AFF3: variants seen among roughly 807,000 people sequenced by gnomAD.
AFF3 encodes ALF transcription elongation factor 3.
A neutral mutation model predicts 129.7 loss-of-function variants in AFF3; 32 were observed. The observed-to-expected ratio is 0.25, with a 90% confidence interval of 0.19 to 0.33. The LOEUF is 0.33. AFF3 is among the 10% of genes least tolerant of loss of function. AFF3 has a pLI of 1.00. For synonymous variants in AFF3, 644 were observed against 635.4 expected (o/e 1.01, Z -0.20); for missense variants, 1,373 against 1,592.0 (o/e 0.86, Z 2.34).
chr2:99,685,608 C>T (rs901561380), intron 11 of AFF3, among the ~76,000 whole-genome samples: 18 of 152,128 alleles, frequency 1.2e-4, no homozygotes, highest in Non-Finnish European at 2.6e-4. Flanking sequence ...AGAATCAAGT[C>T]CTTTGTTGCC....
chr2:100,078,668 A>G (rs1375627933), intron 4 of AFF3, among the ~76,000 whole-genome samples: 1 of 152,174 alleles, frequency 6.6e-6, no homozygotes, highest in Admixed American at 6.5e-5. Context: ...AAAGAATTAA[A>G]AAGTCAAATG....
intron 10 of AFF3, 71 bp from the exon 11 acceptor site, chr2:99,727,199 T>A: frequency 7.3e-7 from 1 of 1,373,318 alleles, no homozygotes; most frequent in Non-Finnish European, 1.0e-6. Context: ...AGAGATTAAA[T>A]ATATTTCCAT....
chr2:99,633,276 T>C (rs1345048091), intron 13 of AFF3, among the ~76,000 whole-genome samples: 3 of 152,032 alleles, frequency 2.0e-5, no homozygotes, highest in African/African-American at 7.2e-5. Context: ...GGGTTTGCTG[T>C]CCATGGAAGG....
chr2:99,678,235 C>T (rs1322078878), intron 11 of AFF3, among the ~76,000 whole-genome samples: 1 of 152,194 alleles, frequency 6.6e-6, no homozygotes, highest in Non-Finnish European at 1.5e-5. Flanking sequence ...TCAGTACAAC[C>T]TTTGCAATTT....
At chr2:99,633,909 CTTTTTTTTTTTT>C (rs139661861) in intron 13 of AFF3, among the ~76,000 whole-genome samples, 18 of 116,424 alleles carry the variant, frequency 1.5e-4, no homozygotes, top group Admixed American at 4.2e-4. Context: ...TTCTTCCTTC[CTTTTTTTTTTTT>C]TTTTTTTTTT....
chr2:99,993,552 A>G (rs1680549040), intron 7 of AFF3, among the ~76,000 whole-genome samples: 1 of 151,910 alleles, frequency 6.6e-6, no homozygotes. Context: ...ACTAATATAT[A>G]AAAACTAAAG....
intron 4 of AFF3, among the ~76,000 whole-genome samples, chr2:100,057,560 T>G (rs1686904336): frequency 6.6e-6 from 1 of 152,190 alleles, no homozygotes; most frequent in Admixed American, 6.5e-5. Context: ...TCAGTGTTAT[T>G]AACTCCCTCA....
chr2:99,579,493 G>C (rs1383370822), intron 17 of AFF3, among the ~76,000 whole-genome samples: 1 of 152,150 alleles, frequency 6.6e-6, no homozygotes. Context: ...GCCAAGGCAG[G>C]TAGATTACCT....
intron 11 of AFF3, among the ~76,000 whole-genome samples, chr2:99,720,659 G>T (rs1433427960): frequency 6.6e-6 from 1 of 152,036 alleles, no homozygotes; most frequent in Non-Finnish European, 1.5e-5. Flanking sequence ...CTGGGTTCAG[G>T]TTTACTATTT....
At chr2:99,604,428 C>T (rs931853304) in intron 13 of AFF3, among the ~76,000 whole-genome samples, 2 of 151,990 alleles carry the variant, frequency 1.3e-5, no homozygotes, top group African/African-American at 4.8e-5. Flanking sequence ...ATGATGAGAA[C>T]ACATGGACAC....
chr2:99,551,686 C>T, intron 24 of AFF3, 91 bp from the exon 25 acceptor site: 1 of 1,506,650 alleles, frequency 6.6e-7, no homozygotes, highest in Non-Finnish European at 9.1e-7. Context: ...CATTCATGGT[C>T]TCTATATAAA....
At chr2:99,700,810 GGAAGGAGGAAGCACA>G (rs1676776734) in intron 11 of AFF3, among the ~76,000 whole-genome samples, 1 of 152,176 alleles carries the variant, frequency 6.6e-6, no homozygotes, top group African/African-American at 2.4e-5. Context: ...GGGGACAGGG[GGAAGGAGGAAGCACA>G]GAAGGAGGAA....
chr2:99,822,767 T>TC (rs1262469288), intron 8 of AFF3, among the ~76,000 whole-genome samples: 1 of 152,172 alleles, frequency 6.6e-6, no homozygotes, highest in Non-Finnish European at 1.5e-5. Flanking sequence ...CACAGTGGGC[T>TC]CCTCATCCAT....
intron 12 of AFF3, among the ~76,000 whole-genome samples, chr2:99,662,941 T>C (rs1044763104): frequency 3.9e-5 from 6 of 152,288 alleles, no homozygotes; most frequent in African/African-American, 2.4e-5. Context: ...TGAATGCAGA[T>C]TGACTCTGTG....
At chr2:99,702,982 A>G (rs757850842) in intron 11 of AFF3, among the ~76,000 whole-genome samples, 14 of 152,200 alleles carry the variant, frequency 9.2e-5, no homozygotes, top group Non-Finnish European at 2.1e-4. Flanking sequence ...AGAACTCTTC[A>G]TCCATTTCCA....
intron 8 of AFF3, among the ~76,000 whole-genome samples, chr2:99,752,752 C>G (rs930117128): frequency 1.3e-5 from 2 of 152,150 alleles, no homozygotes; most frequent in Non-Finnish European, 2.9e-5. Context: ...TATCAGTTCT[C>G]AATAAGGCCC....
At chr2:99,622,448 G>C (rs1290815669) in intron 13 of AFF3, among the ~76,000 whole-genome samples, 1 of 152,232 alleles carries the variant, frequency 6.6e-6, no homozygotes, top group African/African-American at 2.4e-5. Flanking sequence ...TGAGCAAAGA[G>C]AGAGAAGGCA....
At chr2:99,773,559 TG>T (rs1331579607) in intron 8 of AFF3, among the ~76,000 whole-genome samples, 2 of 108,760 alleles carry the variant, frequency 1.8e-5, no homozygotes, top group East Asian at 5.0e-4. Flanking sequence ...GTTGGTGTGA[TG>T]GGGGTGGGGA....
chr2:99,834,260 C>T lies in AFF3; in HGVS notation c.921+3217G>A, dbSNP rs184285093. 2.1e-3 allele frequency among the ~76,000 whole-genome samples: 319 copies of T among 152,278 alleles called. 2 individuals carry two copies. Among genetic ancestry groups the T allele is most frequent in the Non-Finnish European group, 3.9e-3 (264 of 68,024 alleles). ...CGTCTTCATTAGAATCCCAGCTCTA[C>T]CACTTGCTAGCTGTGTGACCTTGGG... On this transcript the variant is annotated intron_variant, in intron 8 of 24. Transcript: ENST00000672756.
Sources: allele counts gnomAD v4.1 joint callset (sites outside exome capture counted in the v4.1 genomes callset), GRCh38; gene constraint gnomAD v4.1.1; transcripts MANE v1.5; gene names NCBI Gene and HGNC (gene_info 2026-07-23, HGNC 2026-07-21).